The following IPCEF1 variants were observed in gnomAD, a reference collection of about 807,000 sequenced individuals.
The protein encoded by IPCEF1 is interaction protein for cytohesin exchange factors 1.
In IPCEF1, 31 loss-of-function variants were observed where a neutral mutation model predicts 50.9. The observed-to-expected ratio is 0.61, with a 90% confidence interval of 0.46 to 0.82. The LOEUF is 0.82. Ranked by LOEUF, IPCEF1 falls within the 40% of genes least tolerant of loss-of-function variation. The pLI, the probability that IPCEF1 is intolerant of heterozygous loss-of-function variation, is 0.00. For missense variants in IPCEF1, 458 were observed against 514.0 expected, an observed-to-expected ratio of 0.89 and a Z score of 1.05; for synonymous variants, 181 against 192.0, an observed-to-expected ratio of 0.94 and a Z score of 0.47.
At chr6:154,167,764 G>A (rs989985822) in intron 11 of IPCEF1, among the ~76,000 whole-genome samples, 156 bp downstream of exon 11, 18 of 152,260 alleles carry the variant, frequency 1.2e-4, no homozygotes, top group Admixed American at 7.9e-4. Flanking sequence ...CTTTAAGAAC[G>A]TCAAGATCAT....
At chr6:154,193,591 C>T (rs1409838994) in intron 10 of IPCEF1, among the ~76,000 whole-genome samples, 1 of 152,136 alleles carries the variant, frequency 6.6e-6, no homozygotes, top group Non-Finnish European at 1.5e-5. Flanking sequence ...ACTTCAATAA[C>T]ATCAAAAAAG....
rs539265665 is a variant in IPCEF1, at chr6:154,234,607, C to T, written c.247-11364G>A. On this transcript the variant is annotated intron_variant, in intron 5 of 11. Transcript: ENST00000367220. ...ATATGGCTCTCTCACTATCACATTACGTCATATTTAGGTGGTGACCAAGAA... is the reference window on the plus strand; with the variant it reads ...ATATGGCTCTCTCACTATCACATTATGTCATATTTAGGTGGTGACCAAGAA... Among the ~76,000 whole-genome samples the T allele has an allele frequency of 4.6e-5, 7 of 152,282 alleles. No homozygotes were observed. The East Asian group carries it at 7.7e-4, about 17-fold the overall frequency.
chr6:154,331,855 G>A lies in IPCEF1; in HGVS notation c.-62+24817C>T, dbSNP rs118108593. 4.7e-4 allele frequency among the ~76,000 whole-genome samples: 71 copies of A among 152,244 alleles called. 1 individual carries two copies. The East Asian group carries it at 0.011, about 24-fold the overall frequency. On this transcript the variant is annotated intron_variant, in intron 1 of 11. Coordinates refer to ENST00000367220, the MANE Select transcript of IPCEF1 (RefSeq NM_001130700.2). Reference sequence around the variant, plus strand: ...GCCCACCCCAAGGAAAAAATCAAGGGAGGAGAGACACAAACCCCAGAACCA... The same window carrying A: ...GCCCACCCCAAGGAAAAAATCAAGGAAGGAGAGACACAAACCCCAGAACCA...
At chr6:154,307,877 TGCCCTTTC>T (rs1782976313) in intron 1 of IPCEF1, among the ~76,000 whole-genome samples, 1 of 152,200 alleles carries the variant, frequency 6.6e-6, no homozygotes, top group Non-Finnish European at 1.5e-5. Flanking sequence ...ACGACTGAGC[TGCCCTTTC>T]CAACTTGGCA....
At chr6:154,252,503 C>T (rs1240281322) in intron 3 of IPCEF1, among the ~76,000 whole-genome samples, 3 of 151,950 alleles carry the variant, frequency 2.0e-5, no homozygotes, top group East Asian at 1.9e-4. Flanking sequence ...GGTGAAACTC[C>T]GTCTCTACTA....
chr6:154,318,610 G>T (rs535786817), intron 1 of IPCEF1, among the ~76,000 whole-genome samples: 3 of 151,354 alleles, frequency 2.0e-5, no homozygotes, highest in Non-Finnish European at 4.4e-5. Context: ...TCAGCACTTT[G>T]GGAGGCCAAG....
At chr6:154,267,468 A>T (rs1312384794) in intron 2 of IPCEF1, among the ~76,000 whole-genome samples, 2 of 152,220 alleles carry the variant, frequency 1.3e-5, no homozygotes, top group East Asian at 1.9e-4. Flanking sequence ...ACATATTGGG[A>T]TATCAAAATG....
intron 1 of IPCEF1, among the ~76,000 whole-genome samples, chr6:154,318,816 C>T (rs1309898510): frequency 1.3e-5 from 2 of 151,864 alleles, no homozygotes; most frequent in Non-Finnish European, 2.9e-5. Context: ...CATCCATACA[C>T]AAAAGCTAAT....
intron 11 of IPCEF1, among the ~76,000 whole-genome samples, chr6:154,162,067 G>A (rs1311921807): frequency 2.0e-5 from 3 of 152,144 alleles, no homozygotes; most frequent in Admixed American, 6.5e-5. Context: ...TATTGCCCAC[G>A]AACTACATGG....
At chr6:154,165,684 T>C (rs1265796816) in intron 11 of IPCEF1, among the ~76,000 whole-genome samples, 1 of 151,954 alleles carries the variant, frequency 6.6e-6, no homozygotes, top group Non-Finnish European at 1.5e-5. Flanking sequence ...ATTCAAGGCC[T>C]TGTGTAATCT....
intron 11 of IPCEF1, among the ~76,000 whole-genome samples, chr6:154,166,428 T>C (rs777597047): frequency 6.6e-6 from 1 of 152,212 alleles, no homozygotes; most frequent in African/African-American, 2.4e-5. Context: ...ACTTCCTGCT[T>C]CTCCCAACGT....
In IPCEF1 at chr6:154,331,395, GAAAGAAAGAA is replaced by G. The variant is rs1429173391; in HGVS notation, c.-62+25267_-62+25276del. Among the ~76,000 whole-genome samples the G allele has an allele frequency of 2.3e-3, 302 of 133,668 alleles. 2 individuals carry two copies. Among genetic ancestry groups the G allele is most frequent in the African/African-American group, 4.7e-3 (174 of 36,826 alleles). The allele number at this position is 133,668 out of a possible 152,430, so 87.7% of individuals were successfully genotyped here. On this transcript the variant is annotated intron_variant, in intron 1 of 11. Transcript: ENST00000367220. ...GGAAAGAAAGAAAGAAAGAAAGAAAGAAAGAAAGAAAGAGAGAGAAAAAGAAAGAGAGAGA... is the reference window on the plus strand; with the variant it reads ...GGAAAGAAAGAAAGAAAGAAAGAAAGAGAGAGAGAAAAAGAAAGAGAGAGA...
chr6:154,296,625 C>T (rs566812331), intron 1 of IPCEF1, among the ~76,000 whole-genome samples: 2 of 152,198 alleles, frequency 1.3e-5, no homozygotes, highest in East Asian at 1.9e-4. Context: ...GTCAGGAGAT[C>T]AAGACCATCC....
At chr6:154,351,134 C>G (rs939293770) in intron 1 of IPCEF1, among the ~76,000 whole-genome samples, 1 of 152,212 alleles carries the variant, frequency 6.6e-6, no homozygotes. Flanking sequence ...ACTCAAGTCT[C>G]CTAGCCTTTT....
intron 11 of IPCEF1, among the ~76,000 whole-genome samples, chr6:154,162,172 C>T (rs867095521): frequency 2.6e-5 from 4 of 152,216 alleles, no homozygotes; most frequent in Non-Finnish European, 4.4e-5. Flanking sequence ...CAATGGCCCC[C>T]GCTCTCCTAC....
chr6:154,167,562 TTGA>T (rs1427570079), intron 11 of IPCEF1, among the ~76,000 whole-genome samples: 1 of 152,230 alleles, frequency 6.6e-6, no homozygotes, highest in African/African-American at 2.4e-5. Context: ...TTCTCACCAG[TTGA>T]TGATCTCTGT....
At chr6:154,330,997 GT>G (rs1783646020) in intron 1 of IPCEF1, among the ~76,000 whole-genome samples, 1 of 152,186 alleles carries the variant, frequency 6.6e-6, no homozygotes, top group Admixed American at 6.6e-5. Flanking sequence ...TAGTCAGGCA[GT>G]TGTTAGTCTC....
intron 1 of IPCEF1, among the ~76,000 whole-genome samples, chr6:154,332,288 G>T (rs1466006468): frequency 7.1e-6 from 1 of 140,488 alleles, no homozygotes; most frequent in African/African-American, 2.6e-5. Flanking sequence ...TGTGTGAGTG[G>T]TTTTTTTTTT....
chr6:154,187,726 GAGTCAA>G (rs997787391), intron 10 of IPCEF1, among the ~76,000 whole-genome samples: 1 of 152,188 alleles, frequency 6.6e-6, no homozygotes, highest in Non-Finnish European at 1.5e-5. Flanking sequence ...TCAGGCTGTG[GAGTCAA>G]ACAGAACTGC....
Sources: gnomAD v4.1 joint callset for allele counts (sites outside exome capture counted in the v4.1 genomes callset) on GRCh38, gnomAD v4.1.1 for gene constraint, MANE v1.5 for transcripts, NCBI Gene and HGNC (gene_info 2026-07-23, HGNC 2026-07-21) for gene names.